CKAP5: variants seen among roughly 807,000 people sequenced by gnomAD.
The protein encoded by CKAP5 is cytoskeleton-associated protein 5.
CKAP5 carries 27 observed loss-of-function variants against 232.8 expected under a neutral mutation model. The ratio of observed to expected loss-of-function variants is 0.12; its 90% confidence interval spans 0.09 to 0.16. The LOEUF is 0.16. Among genes scored for constraint, CKAP5 ranks in the 10% least tolerant of loss-of-function variants. The pLI, the probability that CKAP5 is intolerant of heterozygous loss-of-function variation, is 1.00. For synonymous variants in CKAP5, 785 were observed against 841.1 expected (o/e 0.93, Z 1.16); for missense variants, 1,838 against 2,424.7 (o/e 0.76, Z 5.08).
At chr11:46,781,758 A>G (rs781217284) in intron 18 of CKAP5, among the ~76,000 whole-genome samples, 53 of 152,280 alleles carry the variant, frequency 3.5e-4, no homozygotes, top group Non-Finnish European at 5.0e-4. Flanking sequence ...AACACCATCT[A>G]AACTATACCA....
At chr11:46,785,613 T>G (rs542581294) in intron 16 of CKAP5, among the ~76,000 whole-genome samples, 1 of 152,336 alleles carries the variant, frequency 6.6e-6, no homozygotes, top group East Asian at 1.9e-4. Context: ...GTGCTGGGAT[T>G]ACAGGCGTGA....
intron 25 of CKAP5, among the ~76,000 whole-genome samples, chr11:46,770,552 C>A (rs972494381): frequency 6.6e-6 from 1 of 152,206 alleles, no homozygotes; most frequent in African/African-American, 2.4e-5. Context: ...CTGCCTCACC[C>A]TCCCAAGTAG....
chr11:46,746,555 T>C (rs897641368), intron 42 of CKAP5, among the ~76,000 whole-genome samples: 1 of 152,172 alleles, frequency 6.6e-6, no homozygotes, highest in African/African-American at 2.4e-5. Context: ...TACTGAATAC[T>C]ATAGGCAATG....
At chr11:46,788,349 C>T (rs566262087) in intron 16 of CKAP5, among the ~76,000 whole-genome samples, 9 of 152,282 alleles carry the variant, frequency 5.9e-5, no homozygotes, top group Admixed American at 2.0e-4. Flanking sequence ...CCAAGGCAGG[C>T]GGATCACCTG....
Position 46,816,242 on chromosome 11 carries a change from G to T in CKAP5, c.414C>A (p.Pro138=). 1.2e-6 allele frequency: 2 copies of T among 1,614,044 alleles called. No homozygotes were observed. The highest frequency in any genetic ancestry group is 1.1e-5 in the South Asian group (1 of 91,076). The change falls in exon 4 of 44, where the codon CCC becomes CCA. Residue 138 remains proline, a synonymous_variant. Transcript: ENST00000529230. ...TCTCTATACAGGCCACTATGATCTT[G>T]GGATTCTTATTGTCCAAGCCTTTCA... The part of the protein sequence containing the change: ...ELLKGLDNKN[P]KIIVACIETL...
At chr11:46,795,559 CCTTA>C in intron 13 of CKAP5, 31 bp downstream of exon 13, 1 of 1,564,022 alleles carries the variant, frequency 6.4e-7, no homozygotes, top group Non-Finnish European at 8.7e-7. Flanking sequence ...TCAGACCCTT[CCTTA>C]CTAACTTCTA....
chr11:46,744,650 C>T, intron 42 of CKAP5, 73 bp from the exon 43 acceptor site: 3 of 1,379,064 alleles, frequency 2.2e-6, no homozygotes, highest in Non-Finnish European at 2.0e-6. Context: ...GGTTAATCTC[C>T]CACCAAAAAG....
chr11:46,840,947 T>G (rs1342826914), intron 1 of CKAP5, among the ~76,000 whole-genome samples: 1 of 152,060 alleles, frequency 6.6e-6, no homozygotes, highest in Non-Finnish European at 1.5e-5. Flanking sequence ...CCTCAACCTG[T>G]GGGATCTGAC....
Position 46,809,505 on chromosome 11 carries a change from A to G in CKAP5, c.764-5T>C. 1.3e-6 allele frequency: 2 copies of G among 1,597,598 alleles called. No homozygotes were observed. Among genetic ancestry groups the G allele is most frequent in the Non-Finnish European group, 8.6e-7 (1 of 1,167,830 alleles). On this transcript the variant is annotated splice_polypyrimidine_tract_variant and splice_region_variant and intron_variant, in intron 6 of 43. Coordinates refer to ENST00000529230, the MANE Select transcript of CKAP5 (RefSeq NM_001008938.4). ...CCTCATCACCATCATCACCACCTTT[A>G]AGGAGAAAAACAACACAAACCTTAA...
Position 46,767,632 on chromosome 11 carries a change from T to C in CKAP5, c.3354A>G (p.Thr1118=), listed in dbSNP as rs1334593738. The change falls in exon 27 of 44, where the codon ACA becomes ACG. Residue 1118 remains threonine (T), a synonymous_variant. Coordinates refer to ENST00000529230, the MANE Select transcript of CKAP5 (RefSeq NM_001008938.4). ...APAEDCISSS[T]EPKPDPKKAK... ...CCTTTTTTGGATCAGGTTTGGGTTCTGTACTGCTGGAAATACAATCTTCAG... is the reference window on the plus strand; with the variant it reads ...CCTTTTTTGGATCAGGTTTGGGTTCCGTACTGCTGGAAATACAATCTTCAG... 1.9e-6 allele frequency: 3 copies of C among 1,611,300 alleles called. No individual in the cohort carries two copies. The highest frequency in any genetic ancestry group is 1.7e-4 in the Middle Eastern group (1 of 6,056).
chr11:46,818,505 TAAAAG>T lies in CKAP5; in HGVS notation c.58-7_58-3del, dbSNP rs755292454. 6.5e-7 allele frequency: 1 copy of T among 1,543,754 alleles called. No individual in the cohort carries two copies. Among genetic ancestry groups the T allele is most frequent in the African/African-American group, 1.4e-5 (1 of 70,816 alleles). On this transcript the variant is annotated splice_region_variant and splice_polypyrimidine_tract_variant and intron_variant, in intron 2 of 43. Transcript: ENST00000529230. ...CCCACTTAACCTTGCTTTCCACAGCTAAAAGAAAAGTAGTATTTTGAAACAAAACA... is the reference window on the plus strand; with the variant it reads ...CCCACTTAACCTTGCTTTCCACAGCTAAAAGTAGTATTTTGAAACAAAACA...
chr11:46,804,200 G>A (rs904130163), intron 8 of CKAP5, among the ~76,000 whole-genome samples: 2 of 152,182 alleles, frequency 1.3e-5, no homozygotes, highest in Non-Finnish European at 2.9e-5. Flanking sequence ...CTGCGAATCT[G>A]TTAAATTTCA....
At chr11:46,816,936 A>C (rs1939416612) in intron 3 of CKAP5, among the ~76,000 whole-genome samples, 1 of 151,748 alleles carries the variant, frequency 6.6e-6, no homozygotes, top group African/African-American at 2.4e-5. Context: ...GAGAAACCTC[A>C]TCTCTACTAA....
chr11:46,823,152 GT>G (rs1939581105), intron 1 of CKAP5, among the ~76,000 whole-genome samples: 2 of 152,056 alleles, frequency 1.3e-5, no homozygotes, highest in South Asian at 4.1e-4. Flanking sequence ...GAAATTTTTT[GT>G]AGAGACAAGG....
At chr11:46,752,509 T>C in intron 38 of CKAP5, 126 bp downstream of exon 38, 2 of 608,634 alleles carry the variant, frequency 3.3e-6, no homozygotes, top group Non-Finnish European at 5.3e-6. Flanking sequence ...ACGAAAAATA[T>C]ATTTTCAGGT....
At chr11:46,808,284 G>A (rs1592472161) in intron 7 of CKAP5, 140 bp from the exon 8 acceptor site, 9 of 559,138 alleles carry the variant, frequency 1.6e-5, no homozygotes, top group Non-Finnish European at 2.5e-5. Flanking sequence ...GCTCACGCCT[G>A]TAATCCCAGC....
intron 32 of CKAP5, among the ~76,000 whole-genome samples, chr11:46,761,646 C>T (rs990139088): frequency 6.6e-6 from 1 of 152,148 alleles, no homozygotes; most frequent in African/African-American, 2.4e-5. Flanking sequence ...CCACACTATA[C>T]ACAAATAAGC....
intron 18 of CKAP5, among the ~76,000 whole-genome samples, chr11:46,781,142 A>C (rs963245461): frequency 1.3e-5 from 2 of 152,108 alleles, no homozygotes; most frequent in Non-Finnish European, 2.9e-5. Flanking sequence ...CCAGTCCCAA[A>C]ACCTGTTCCT....
chr11:46,838,319 T>G (rs1405316939), intron 1 of CKAP5, among the ~76,000 whole-genome samples: 1 of 152,164 alleles, frequency 6.6e-6, no homozygotes, highest in South Asian at 2.1e-4. Context: ...TAATTGAGAC[T>G]GTTAAGATAC....
Sources: gnomAD v4.1 joint callset for allele counts (sites outside exome capture counted in the v4.1 genomes callset) on GRCh38, gnomAD v4.1.1 for gene constraint, MANE v1.5 for transcripts, NCBI Gene and HGNC (gene_info 2026-07-23, HGNC 2026-07-21) for gene names.